Variants in MSRA observed in about 807,000 individuals in gnomAD.
MSRA encodes mitochondrial peptide methionine sulfoxide reductase.
A neutral mutation model predicts 31.3 loss-of-function variants in MSRA; 54 were observed. The observed-to-expected ratio is 1.73, with a 90% CI of 1.39 to 2.17. The LOEUF is 2.17. MSRA is among the 30% of genes most tolerant of loss of function. The pLI is 0.00. For missense variants in MSRA, 507 were observed against 300.9 expected (o/e 1.69, Z -5.07); for synonymous variants, 169 against 116.5 (o/e 1.45, Z -2.90).
intron 4 of MSRA, among the ~76,000 whole-genome samples, chr8:10,301,902 G>T (rs575430200): frequency 6.6e-6 from 1 of 152,256 alleles, no homozygotes; most frequent in African/African-American, 2.4e-5. Flanking sequence ...AGACAATAGC[G>T]ATCCGTTCAC....
intron 2 of MSRA, among the ~76,000 whole-genome samples, chr8:10,213,806 T>A (rs1289286772): frequency 1.3e-5 from 2 of 152,172 alleles, no homozygotes; most frequent in Non-Finnish European, 2.9e-5. Flanking sequence ...CAGAGGTCTC[T>A]TCGATACACT....
In MSRA at chr8:10,419,989, C is replaced by T. The variant is rs973057673; in HGVS notation, c.544-8159C>T. 2.6e-5 allele frequency among the ~76,000 whole-genome samples: 4 copies of T among 152,226 alleles called. 1 individual carries two copies. Among genetic ancestry groups the T allele is most frequent in the African/African-American group, 9.6e-5 (4 of 41,538 alleles). The stretch of plus-strand genomic sequence containing the variant: ...GCTGATACAACAGGCTGGAGCATAA[C>T]GAGGTGTCTTTGTGGGGTGTGCTTG... On this transcript the variant is annotated intron_variant, in intron 5 of 5. Transcript: ENST00000317173.
At chr8:10,212,848 A>C (rs778943647) in intron 2 of MSRA, among the ~76,000 whole-genome samples, 1 of 152,162 alleles carries the variant, frequency 6.6e-6, no homozygotes, top group Non-Finnish European at 1.5e-5. Context: ...TTAAAAAAAC[A>C]TTCTGCTAAG....
intron 3 of MSRA, among the ~76,000 whole-genome samples, chr8:10,285,152 C>G (rs533891026): frequency 6.6e-6 from 1 of 152,110 alleles, no homozygotes; most frequent in East Asian, 1.9e-4. Context: ...ATCCACTCCT[C>G]GAGCTCTCTT....
At chr8:10,264,291 C>T (rs145007158) in intron 3 of MSRA, among the ~76,000 whole-genome samples, 119 of 152,312 alleles carry the variant, frequency 7.8e-4, no homozygotes, top group African/African-American at 2.8e-3. Context: ...TAGCATGTAG[C>T]ATTTAACCTC....
chr8:10,389,499 G>A (rs138766156), intron 5 of MSRA, among the ~76,000 whole-genome samples: 60 of 152,340 alleles, frequency 3.9e-4, no homozygotes, highest in African/African-American at 1.4e-3. Context: ...CAAGTTTCTT[G>A]TTACTACTTC....
intron 5 of MSRA, among the ~76,000 whole-genome samples, chr8:10,419,150 G>C (rs1808661125): frequency 6.6e-6 from 1 of 152,130 alleles, no homozygotes; most frequent in Non-Finnish European, 1.5e-5. Flanking sequence ...TCCCGACCCT[G>C]CTCTGTAGAA....
At chr8:10,104,737 A>T (rs1799768119) in intron 1 of MSRA, among the ~76,000 whole-genome samples, 1 of 152,174 alleles carries the variant, frequency 6.6e-6, no homozygotes, top group Non-Finnish European at 1.5e-5. Context: ...TCCAAAAGGG[A>T]GACGGATATA....
chr8:10,101,969 T>C (rs1242964034), intron 1 of MSRA, among the ~76,000 whole-genome samples: 1 of 152,196 alleles, frequency 6.6e-6, no homozygotes, highest in South Asian at 2.1e-4. Flanking sequence ...CTCCCTTCTT[T>C]TGCCTTTGTG....
intron 5 of MSRA, among the ~76,000 whole-genome samples, chr8:10,391,356 G>A (rs1806734867): frequency 6.6e-6 from 1 of 152,146 alleles, no homozygotes; most frequent in South Asian, 2.1e-4. Flanking sequence ...TCTGAAAATG[G>A]GCACAAGTCT....
intron 3 of MSRA, among the ~76,000 whole-genome samples, chr8:10,275,663 C>G (rs1799283341): frequency 6.6e-6 from 1 of 152,220 alleles, no homozygotes; most frequent in African/African-American, 2.4e-5. Context: ...GCACTGGCAT[C>G]TCCCAATGGA....
chr8:10,343,608 G>A (rs1335713643), intron 5 of MSRA, among the ~76,000 whole-genome samples: 1 of 152,152 alleles, frequency 6.6e-6, no homozygotes, highest in African/African-American at 2.4e-5. Context: ...GTGAGGGTAG[G>A]TAACCCAGTG....
In MSRA at chr8:10,298,851, T is replaced by C. The variant is rs371697368; in HGVS notation, c.332-2683T>C. Among the ~76,000 whole-genome samples the C allele has an allele frequency of 6.4e-4, 97 of 152,278 alleles. 4 individuals are homozygous for C. The South Asian group carries it at 0.02, about 31-fold the overall frequency. On this transcript the variant is annotated intron_variant, in intron 3 of 5. Transcript: ENST00000317173. Reference sequence around the variant, plus strand: ...TTCTACCATTGTAATAATGACAGAGTGAATTTTTTGTGCATGTATATATCT... The same window carrying C: ...TTCTACCATTGTAATAATGACAGAGCGAATTTTTTGTGCATGTATATATCT...
At chr8:10,060,666 C>G (rs1023185002) in intron 1 of MSRA, among the ~76,000 whole-genome samples, 1 of 145,344 alleles carries the variant, frequency 6.9e-6, no homozygotes, top group Non-Finnish European at 1.5e-5. Context: ...TTTGCTCTTT[C>G]TTGTCAAGTA....
chr8:10,310,993 A>G (rs1309526290), intron 4 of MSRA, among the ~76,000 whole-genome samples: 2 of 152,254 alleles, frequency 1.3e-5, no homozygotes, highest in Non-Finnish European at 2.9e-5. Flanking sequence ...CTTAGATAGT[A>G]ATGGTTAGGT....
chr8:10,266,044 G>T (rs933189376), intron 3 of MSRA, among the ~76,000 whole-genome samples: 5 of 152,138 alleles, frequency 3.3e-5, no homozygotes, highest in Admixed American at 3.3e-4. Flanking sequence ...AAATAATGCT[G>T]CCATCAATAT....
At chr8:10,337,646 T>G in intron 5 of MSRA, 1 of 688,670 alleles carries the variant, frequency 1.5e-6, no homozygotes. Context: ...CACATTTTCC[T>G]TGATAGTGTC....
chr8:10,063,993 C>G (rs1797334865), intron 1 of MSRA, among the ~76,000 whole-genome samples: 1 of 152,186 alleles, frequency 6.6e-6, no homozygotes, highest in African/African-American at 2.4e-5. Flanking sequence ...AGAGTTGGAG[C>G]TGGAACTAGG....
At chr8:10,219,602 T>C (rs1417770485) in intron 2 of MSRA, among the ~76,000 whole-genome samples, 1 of 151,932 alleles carries the variant, frequency 6.6e-6, no homozygotes, top group Non-Finnish European at 1.5e-5. Context: ...AAGGTCAGAC[T>C]GAGACCATCC....
Sources: gnomAD v4.1 joint callset for allele counts (sites outside exome capture counted in the v4.1 genomes callset) on GRCh38, gnomAD v4.1.1 for gene constraint, MANE v1.5 for transcripts, NCBI Gene and HGNC (gene_info 2026-07-23, HGNC 2026-07-21) for gene names.